The following MUC13 variants were observed in gnomAD, a reference collection of about 807,000 sequenced individuals.
MUC13 encodes the protein mucin 13, cell surface associated.
MUC13 carries 32 observed loss-of-function variants against 48.3 expected under a neutral mutation model. That is an observed-to-expected ratio of 0.66 (90% CI 0.50 to 0.89). MUC13 has a LOEUF of 0.89. Among genes scored for constraint, MUC13 ranks in the 40% least tolerant of loss-of-function variants. The pLI, the probability that MUC13 is intolerant of heterozygous loss-of-function variation, is 0.00. For synonymous variants in MUC13, 199 were observed against 224.9 expected, an observed-to-expected ratio of 0.88 and a Z score of 1.03; for missense variants, 571 against 622.8, an observed-to-expected ratio of 0.92 and a Z score of 0.88.
intron 5 of MUC13, 26 bp downstream of exon 5, chr3:124,920,208 T>A (rs1281019370): frequency 6.3e-6 from 10 of 1,591,952 alleles, no homozygotes; most frequent in Non-Finnish European, 8.6e-6. Context: ...CACATCTGCC[T>A]CCAAAATTGT....
In MUC13 at chr3:124,922,203, A is replaced by C; in HGVS notation, c.738T>G (p.Thr246=). The C allele has an allele frequency of 6.2e-7, 1 of 1,613,922 alleles. No individual in the cohort carries two copies. Among genetic ancestry groups the C allele is most frequent in the Non-Finnish European group, 8.5e-7 (1 of 1,179,960 alleles). The change falls in exon 4 of 12, where the codon ACT becomes ACG. Residue 246 remains threonine, a synonymous_variant. Transcript: ENST00000616727. ...AAAGTTGGAAAATACTTACCAAGCT[A>C]GTAATTTCACTATGCAAGTCTTGAT... ...MAYQDLHSEI[T]SLFKDVFGTS... is the part of the protein sequence containing the mutation.
At chr3:124,916,162 A>T (rs997157081) in intron 6 of MUC13, among the ~76,000 whole-genome samples, 155 bp downstream of exon 6, 4 of 152,256 alleles carry the variant, frequency 2.6e-5, no homozygotes, top group African/African-American at 9.6e-5. Flanking sequence ...CAAGCGAACA[A>T]GAAAAGGGAA....
In MUC13 at chr3:124,926,433, G is replaced by A. The variant is rs565930521; in HGVS notation, c.514+1099C>T. On this transcript the variant is annotated intron_variant, in intron 2 of 11. Transcript: ENST00000616727. Reference sequence around the variant, plus strand: ...ACCTCTCTTTCCTGATCCCAGGACAGCTGTGTCCCATTGGATCCCGCCTTC... The same window carrying A: ...ACCTCTCTTTCCTGATCCCAGGACAACTGTGTCCCATTGGATCCCGCCTTC... Among the ~76,000 whole-genome samples the A allele has an allele frequency of 7.2e-5, 11 of 152,350 alleles. No homozygotes were observed. In the Middle Eastern group the frequency reaches 0.01, roughly 141 times the overall value.
chr3:124,920,389 T>C (rs1935574368), intron 4 of MUC13, 100 bp from the exon 5 acceptor site: 2 of 915,886 alleles, frequency 2.2e-6, no homozygotes, highest in Middle Eastern at 3.3e-4. Context: ...CTATCTAGCT[T>C]TTAACAGGAT....
intron 2 of MUC13, among the ~76,000 whole-genome samples, chr3:124,925,285 T>A (rs1935669653): frequency 6.6e-6 from 1 of 152,142 alleles, no homozygotes; most frequent in African/African-American, 2.4e-5. Context: ...GTGGAGACAG[T>A]AAAAAGATCT....
intron 5 of MUC13, among the ~76,000 whole-genome samples, chr3:124,916,826 G>T (rs1006980229): frequency 1.3e-5 from 2 of 152,170 alleles, no homozygotes; most frequent in African/African-American, 2.4e-5. Flanking sequence ...TACCTGAAAT[G>T]GGAAATTGTC....
chr3:124,923,738 C>A (rs1054598912), intron 2 of MUC13, 89 bp from the exon 3 acceptor site: 8 of 1,364,752 alleles, frequency 5.9e-6, no homozygotes, highest in Admixed American at 4.1e-5. Context: ...ATGCCTCCCC[C>A]CTGGGCCCTT....
Position 124,923,668 on chromosome 3 carries a change from A to T in MUC13, c.515-19T>A, listed in dbSNP as rs946711542. ...CTGGGACCTTAGATGGAGTAGAAAGAGATTAGAAATCCAGAGAAATGACAA... is the reference window on the plus strand; with the variant it reads ...CTGGGACCTTAGATGGAGTAGAAAGTGATTAGAAATCCAGAGAAATGACAA... On this transcript the variant is annotated intron_variant, in intron 2 of 11. Coordinates refer to ENST00000616727, the MANE Select transcript of MUC13 (RefSeq NM_033049.4). The T allele has an allele frequency of 1.3e-6, 2 of 1,597,790 alleles. No individual in the cohort carries two copies. The highest frequency in any genetic ancestry group is 2.7e-5 in the African/African-American group (2 of 73,896).
intron 9 of MUC13, 30 bp from the exon 10 acceptor site, chr3:124,910,529 T>C (rs1361870795): frequency 2.5e-6 from 4 of 1,612,966 alleles, no homozygotes; most frequent in Non-Finnish European, 3.4e-6. Context: ...AAGAACAGTC[T>C]CCAACAAGCT....
At chr3:124,927,067 C>T (rs897734423) in intron 2 of MUC13, among the ~76,000 whole-genome samples, 3 of 152,172 alleles carry the variant, frequency 2.0e-5, no homozygotes, top group African/African-American at 7.2e-5. Flanking sequence ...AATTCTATGA[C>T]TTGGCTCAAG....
At chr3:124,910,176 C>T (rs62267677) in intron 10 of MUC13, among the ~76,000 whole-genome samples, 24,094 of 152,038 alleles carry the variant, frequency 0.16, 2,238 homozygotes, top group South Asian at 0.22. Flanking sequence ...CTTCTCTTGC[C>T]CAGGAGAGGA....
chr3:124,908,222 C>G lies in MUC13; in HGVS notation c.1464G>C (p.Arg488Ser). Residue 488 changes from arginine (R) to serine (S), a missense_variant, in exon 11 of 12, where the codon AGG (arginine) becomes AGC (serine). Coordinates refer to ENST00000616727, the MANE Select transcript of MUC13 (RefSeq NM_033049.4). ...GAEGSVFPKV[R>S]ITASRDSQMQ... Reference sequence around the variant, plus strand: ...TCTGGCTGTCTCTGGAGGCCGTTATCCTGACCTTAGGAAAGACGCTCCCTT... The same window carrying G: ...TCTGGCTGTCTCTGGAGGCCGTTATGCTGACCTTAGGAAAGACGCTCCCTT... 1.2e-6 allele frequency: 2 copies of G among 1,614,160 alleles called. No individual in the cohort carries two copies. The highest frequency in any genetic ancestry group is 1.7e-6 in the Non-Finnish European group (2 of 1,180,036).
chr3:124,907,657 TAGAGAGAG>T (rs71800171), intron 11 of MUC13, among the ~76,000 whole-genome samples: 236 of 143,940 alleles, frequency 1.6e-3, no homozygotes, highest in Middle Eastern at 3.4e-3. Context: ...TATATATATA[TAGAGAGAG>T]AGAGAGAGAG....
intron 9 of MUC13, 57 bp from the exon 10 acceptor site, chr3:124,910,556 C>T (rs762788573): frequency 1.2e-6 from 2 of 1,605,664 alleles, no homozygotes; most frequent in Admixed American, 1.7e-5. Context: ...CAACTGTCTA[C>T]TGCACAGGTT....
intron 9 of MUC13, among the ~76,000 whole-genome samples, chr3:124,911,336 C>T (rs7622297): frequency 0.97 from 147,491 of 152,306 alleles, 71,556 homozygotes; most frequent in East Asian, 1. Flanking sequence ...CATGGGGCCA[C>T]AGACTGGCAA....
chr3:124,915,540 C>A (rs1009368630), intron 6 of MUC13, among the ~76,000 whole-genome samples: 8 of 152,204 alleles, frequency 5.3e-5, no homozygotes, highest in Non-Finnish European at 1.2e-4. Context: ...CAGATCAGCA[C>A]ACTATCCACT....
At chr3:124,929,385 G>A (rs1935753570) in intron 1 of MUC13, among the ~76,000 whole-genome samples, 1 of 149,434 alleles carries the variant, frequency 6.7e-6, no homozygotes, top group African/African-American at 2.5e-5. Context: ...TAAGAACTCT[G>A]ACCTTGACAA....
chr3:124,928,102 G>A, intron 1 of MUC13, 109 bp from the exon 2 acceptor site: 1 of 845,672 alleles, frequency 1.2e-6, no homozygotes. Context: ...TTTTTTTAGA[G>A]GTAGGGTTTC....
rs41264673 is a variant in MUC13 at position 124,911,867 on chromosome 3, G to A, written c.1252+237C>T. Among the ~76,000 whole-genome samples, 24,372 of 152,154 alleles carry A rather than the reference G, an allele frequency of 0.16. 2,254 individuals carry two copies. The highest frequency in any genetic ancestry group is 0.22 in the South Asian group (1,057 of 4,812). Reference sequence around the variant, plus strand: ...TCTGGTCTCAAGCAAGTCCAGAGGTGCCAGCCCACTCCTGGTGCTGAGTTC... The same window carrying A: ...TCTGGTCTCAAGCAAGTCCAGAGGTACCAGCCCACTCCTGGTGCTGAGTTC... On this transcript the variant is annotated intron_variant, in intron 9 of 11. Transcript: ENST00000616727.
Sources: gnomAD v4.1 joint callset for allele counts (sites outside exome capture counted in the v4.1 genomes callset) on GRCh38, gnomAD v4.1.1 for gene constraint, MANE v1.5 for transcripts, NCBI Gene and HGNC (gene_info 2026-07-23, HGNC 2026-07-21) for gene names.